RRP12: variants seen among roughly 807,000 people sequenced by gnomAD.
RRP12 encodes the protein RRP12-like protein.
Under a neutral mutation model 157.3 loss-of-function variants are expected in RRP12, and 78 were observed. That is an observed-to-expected ratio of 0.50 (90% confidence interval 0.41 to 0.60). The LOEUF (loss-of-function observed/expected upper bound fraction) is 0.60. RRP12 is among the 20% of genes least tolerant of loss of function. The probability of loss-of-function intolerance (pLI) is 0.00; values close to 1 mark genes in which losing one functional copy is unlikely to be tolerated. For missense variants in RRP12, 1,521 were observed against 1,679.9 expected (o/e 0.91, Z 1.65); for synonymous variants, 726 against 670.9 (o/e 1.08, Z -1.27).
chr10:97,390,418 C>G lies in RRP12; in HGVS notation c.753+5G>C. 6.2e-7 allele frequency: 1 copy of G among 1,608,824 alleles called. No individual in the cohort carries two copies. The highest frequency in any genetic ancestry group is 8.5e-7 in the Non-Finnish European group (1 of 1,175,360). ...CCCCATTTTCTAGGGAGCTAGTAGT[C>G]TCACCTTGGGCTTGGGATGCACCGT... On this transcript the variant is annotated splice_donor_5th_base_variant and intron_variant, in intron 6 of 33. Transcript: ENST00000370992.
In RRP12 at chr10:97,366,566, T is replaced by C; in HGVS notation, c.3271A>G (p.Arg1091Gly). Residue 1091 changes from arginine (R) to glycine (G), a missense_variant, in exon 28 of 34, where the codon AGA (arginine) becomes GGA (glycine). Transcript: ENST00000370992. ...TTCCGCTGCTCCTTGCCTCGGCTTC[T>C]TTCCTCCTCCTCATTGTCCTCCTCG... ...EDEEDNEEEERSRGKEQRKLA... is the reference protein window; with the variant it reads ...EDEEDNEEEEGSRGKEQRKLA... 2 of 1,614,154 alleles carry C rather than the reference T, an allele frequency of 1.2e-6. No individual in the cohort carries two copies. Among genetic ancestry groups the C allele is most frequent in the South Asian group, 1.1e-5 (1 of 91,080 alleles).
At chr10:97,365,782 AG>A in intron 29 of RRP12, 6 of 246,986 alleles carry the variant, frequency 2.4e-5, no homozygotes, top group East Asian at 1.3e-4. Flanking sequence ...AAAAAAAAAA[AG>A]AGGAAGGAAG....
chr10:97,398,585 G>A (rs1845051137), intron 2 of RRP12, among the ~76,000 whole-genome samples: 1 of 151,406 alleles, frequency 6.6e-6, no homozygotes, highest in Admixed American at 6.6e-5. Context: ...GACCTCAAAT[G>A]ATCTGCCCAC....
chr10:97,371,874 T>C, intron 20 of RRP12, 199 bp downstream of exon 20: 1 of 533,310 alleles, frequency 1.9e-6, no homozygotes, highest in African/African-American at 1.9e-5. Flanking sequence ...TAAGCACAGC[T>C]GTGCATTTCA....
intron 2 of RRP12, among the ~76,000 whole-genome samples, chr10:97,398,325 A>G (rs1845042543): frequency 1.0e-5 from 1 of 95,274 alleles, no homozygotes; most frequent in Non-Finnish European, 2.0e-5. Flanking sequence ...AAGTGCTGGG[A>G]TTACAGGCGT....
chr10:97,356,923 T>C lies in RRP12; in HGVS notation c.*171A>G. On this transcript the variant is annotated 3_prime_UTR_variant, in exon 34 of 34. Coordinates refer to ENST00000370992, the MANE Select transcript of RRP12 (RefSeq NM_015179.4). ...CACCAGGGATGTCTCTGAAGGGTGATTCCATTTGGAGTTTCCAAAATCCAG... is the reference window on the plus strand; with the variant it reads ...CACCAGGGATGTCTCTGAAGGGTGACTCCATTTGGAGTTTCCAAAATCCAG... 4 of 548,414 alleles carry C rather than the reference T, an allele frequency of 7.3e-6. No individual in the cohort carries two copies. The highest frequency in any genetic ancestry group is 1.3e-5 in the Non-Finnish European group (4 of 310,490). The allele number at this position is 548,414 out of a possible 1,614,324, so 34.0% of individuals were successfully genotyped here. A position where few individuals can be genotyped will look rare whatever the true frequency, so the allele number is the denominator to read the frequency against.
chr10:97,373,536 T>C, intron 17 of RRP12, 39 bp downstream of exon 17: 1 of 1,549,352 alleles, frequency 6.5e-7, no homozygotes, highest in African/African-American at 1.4e-5. Context: ...GGGACCTGTG[T>C]CATCCTCCCC....
At chr10:97,376,202 C>G (rs1382147521) in intron 15 of RRP12, among the ~76,000 whole-genome samples, 1 of 139,828 alleles carries the variant, frequency 7.2e-6, no homozygotes, top group Non-Finnish European at 1.5e-5. Flanking sequence ...GACTGAATGA[C>G]TTTTACTTTC....
intron 29 of RRP12, among the ~76,000 whole-genome samples, chr10:97,364,361 A>G (rs567848159): frequency 6.6e-6 from 1 of 152,290 alleles, no homozygotes; most frequent in South Asian, 2.1e-4. Context: ...ATAAAGTATG[A>G]AACTGACCAA....
intron 6 of RRP12, among the ~76,000 whole-genome samples, chr10:97,389,444 G>T (rs900938227): frequency 2.6e-5 from 4 of 152,160 alleles, no homozygotes; most frequent in African/African-American, 9.7e-5. Flanking sequence ...CCGCAGTGAA[G>T]TGCCACTGCA....
At position 97,401,225 on chromosome 10, in the gene RRP12, G is replaced by T. The variant is rs368504550; in HGVS notation, c.7C>A (p.Arg3Ser). 12 of 1,614,014 alleles carry T rather than the reference G, an allele frequency of 7.4e-6. No individual in the cohort carries two copies. Among genetic ancestry groups the T allele is most frequent in the African/African-American group, 1.3e-5 (1 of 74,920 alleles). MG[R>S]SGKLPSGVSA... ...ACACCAGAAGGCAACTTTCCCGAGCGACCCATGTTGACTAAGCCGTGGCGA... is the reference window on the plus strand; with the variant it reads ...ACACCAGAAGGCAACTTTCCCGAGCTACCCATGTTGACTAAGCCGTGGCGA... The change falls in exon 1 of 34, where the codon CGC (arginine) becomes AGC (serine). Residue 3 changes from arginine to serine, a missense_variant. Coordinates refer to ENST00000370992, the MANE Select transcript of RRP12 (RefSeq NM_015179.4).
intron 12 of RRP12, among the ~76,000 whole-genome samples, 181 bp downstream of exon 12, chr10:97,381,205 T>C (rs991684461): frequency 2.0e-5 from 3 of 152,180 alleles, no homozygotes; most frequent in Non-Finnish European, 4.4e-5. Context: ...GGCTAAAACA[T>C]GGCAGGTGCT....
intron 30 of RRP12, among the ~76,000 whole-genome samples, chr10:97,361,977 T>C (rs7921585): frequency 0.39 from 59,060 of 151,722 alleles, 12,151 homozygotes; most frequent in African/African-American, 0.53. Context: ...CGTGGTAGCA[T>C]GCACCTGTAA....
intron 30 of RRP12, among the ~76,000 whole-genome samples, chr10:97,362,267 G>A (rs1843864288): frequency 6.6e-6 from 1 of 152,166 alleles, no homozygotes; most frequent in Non-Finnish European, 1.5e-5. Context: ...GGCAGTGGGG[G>A]ACATCCTTAG....
At chr10:97,386,756 C>T (rs1378781475) in intron 8 of RRP12, among the ~76,000 whole-genome samples, 1 of 151,962 alleles carries the variant, frequency 6.6e-6, no homozygotes, top group South Asian at 2.1e-4. Flanking sequence ...TTTGGGAGGC[C>T]GAGGTGAGTG....
At chr10:97,386,089 C>T in intron 8 of RRP12, 96 bp from the exon 9 acceptor site, 1 of 742,832 alleles carries the variant, frequency 1.3e-6, no homozygotes, top group Non-Finnish European at 2.3e-6. Context: ...GTTGAGGGCC[C>T]CCTGAACCTC....
intron 11 of RRP12, 41 bp from the exon 12 acceptor site, chr10:97,381,524 C>A: frequency 1.4e-6 from 2 of 1,476,988 alleles, no homozygotes; most frequent in South Asian, 1.2e-5. Context: ...CCAAGGCAGC[C>A]CCCCAGGACC....
chr10:97,357,549 A>T (rs1191187046), intron 33 of RRP12, among the ~76,000 whole-genome samples: 2 of 152,206 alleles, frequency 1.3e-5, no homozygotes, highest in African/African-American at 4.8e-5. Flanking sequence ...TTCCCTAGTA[A>T]CATTAGTTTC....
chr10:97,392,837 C>G (rs982823334), intron 4 of RRP12, among the ~76,000 whole-genome samples: 2 of 151,926 alleles, frequency 1.3e-5, no homozygotes, highest in Non-Finnish European at 2.9e-5. Flanking sequence ...ATTACAGGCA[C>G]CTGCCACCAT....
Sources: allele counts gnomAD v4.1 joint callset (sites outside exome capture counted in the v4.1 genomes callset), GRCh38; gene constraint gnomAD v4.1.1; transcripts MANE v1.5; gene names NCBI Gene and HGNC (gene_info 2026-07-23, HGNC 2026-07-21).